The following LCORL variants were observed in gnomAD, a reference collection of about 807,000 sequenced individuals.
LCORL encodes ligand dependent nuclear receptor corepressor like.
LCORL carries 41 observed loss-of-function variants against 141.8 expected under a neutral mutation model. The ratio of observed to expected loss-of-function variants is 0.29; its 90% CI spans 0.23 to 0.38. The LOEUF is 0.38. Ranked by LOEUF, LCORL falls within the 10% of genes least tolerant of loss-of-function variation. The probability of loss-of-function intolerance (pLI) is 1.00; values close to 1 mark genes in which losing one functional copy is unlikely to be tolerated. For synonymous variants in LCORL, 618 were observed against 694.1 expected, an observed-to-expected ratio of 0.89 and a Z score of 1.72; for missense variants, 1,759 against 2,035.0, an observed-to-expected ratio of 0.86 and a Z score of 2.61.
chr4:17,909,870 A>G (rs1732243824), intron 4 of LCORL, among the ~76,000 whole-genome samples: 2 of 152,146 alleles, frequency 1.3e-5, no homozygotes, highest in African/African-American at 4.8e-5. Context: ...TTTTTTATAT[A>G]GAAAAATTTT....
At chr4:18,012,053 C>T (rs1723894638) in intron 1 of LCORL, among the ~76,000 whole-genome samples, 1 of 152,160 alleles carries the variant, frequency 6.6e-6, no homozygotes, top group Admixed American at 6.5e-5. Context: ...CTGTCTTTTC[C>T]ATAAAATAGA....
At chr4:17,849,433 T>C (rs200031569) in intron 7 of LCORL, among the ~76,000 whole-genome samples, 3,071 of 152,234 alleles carry the variant, frequency 0.02, 84 homozygotes, top group East Asian at 0.13. Flanking sequence ...AGTGGACCTC[T>C]AGCAAACTCC....
rs1307605599 is a variant in LCORL, at chr4:17,842,250, A to AGAT, written c.*3635_*3637dup. The AGAT allele has an allele frequency of 4.2e-6, 6 of 1,430,456 alleles. No homozygotes were observed. The East Asian group carries it at 1.4e-4, about 33-fold the overall frequency. 88.6% of individuals were successfully genotyped at this position (1,430,456 alleles called of 1,614,324 possible). A position where few individuals can be genotyped will look rare whatever the true frequency, so the allele number is the denominator to read the frequency against. Reference sequence around the variant, plus strand: ...AAAGGATTTAGTTAGCCTAGAAACTAGATTAAAAACAAAAAGCAACTGATA... The same window carrying AGAT: ...AAAGGATTTAGTTAGCCTAGAAACTAGATGATTAAAAACAAAAAGCAACTGATA... On this transcript the variant is annotated 3_prime_UTR_variant, in exon 8 of 8. Transcript: ENST00000635767.
chr4:17,953,987 C>A (rs1475735944), intron 4 of LCORL, among the ~76,000 whole-genome samples: 1 of 152,060 alleles, frequency 6.6e-6, no homozygotes, highest in South Asian at 2.1e-4. Flanking sequence ...CACGGTGAAA[C>A]CCCGTCTCTA....
At chr4:17,910,985 G>T (rs11945590) in intron 4 of LCORL, among the ~76,000 whole-genome samples, 3,735 of 152,226 alleles carry the variant, frequency 0.025, 153 homozygotes, top group African/African-American at 0.085. Flanking sequence ...GGGCAGTGGC[G>T]TAAAAGACCT....
intron 1 of LCORL, among the ~76,000 whole-genome samples, chr4:17,988,367 G>A (rs2109761814): frequency 6.6e-6 from 1 of 152,226 alleles, no homozygotes. Flanking sequence ...CACTTCCTGG[G>A]CTCGGGTGAT....
intron 1 of LCORL, among the ~76,000 whole-genome samples, chr4:18,006,376 T>C (rs963287025): frequency 1.3e-5 from 2 of 152,172 alleles, no homozygotes; most frequent in African/African-American, 4.8e-5. Context: ...TCCTGTCTTC[T>C]TCTAAGCCTT....
chr4:17,970,546 A>C (rs531297636), intron 2 of LCORL, among the ~76,000 whole-genome samples: 1 of 152,312 alleles, frequency 6.6e-6, no homozygotes, highest in East Asian at 1.9e-4. Context: ...GAGAAATAGA[A>C]CATAACAGCT....
At chr4:18,008,356 C>T (rs914236398) in intron 1 of LCORL, among the ~76,000 whole-genome samples, 3 of 152,168 alleles carry the variant, frequency 2.0e-5, no homozygotes, top group Non-Finnish European at 4.4e-5. Context: ...CACTCCAGGA[C>T]AGGAATAAAA....
At chr4:17,885,507 T>TAA (rs59813189) in intron 6 of LCORL, among the ~76,000 whole-genome samples, 4,024 of 151,392 alleles carry the variant, frequency 0.027, 57 homozygotes, top group South Asian at 0.031. Flanking sequence ...AAAAAAGTTG[T>TAA]AAAAAAAAAT....
chr4:17,893,607 T>A, intron 5 of LCORL: 2 of 984,980 alleles, frequency 2.0e-6, no homozygotes, highest in South Asian at 9.4e-5. Flanking sequence ...TACAGGAAAA[T>A]TGTTATTTTC....
intron 4 of LCORL, among the ~76,000 whole-genome samples, chr4:17,944,987 A>G (rs975050057): frequency 2.0e-5 from 3 of 152,188 alleles, no homozygotes; most frequent in Non-Finnish European, 4.4e-5. Flanking sequence ...GTTCATAATT[A>G]TATGTAAAAT....
intron 5 of LCORL, among the ~76,000 whole-genome samples, chr4:17,891,265 C>T (rs1729027717): frequency 6.6e-6 from 1 of 152,040 alleles, no homozygotes; most frequent in South Asian, 2.1e-4. Context: ...AAATCAACTA[C>T]TTGAGAGGCT....
intron 4 of LCORL, among the ~76,000 whole-genome samples, chr4:17,920,420 G>A (rs1437215326): frequency 2.0e-5 from 3 of 152,176 alleles, no homozygotes; most frequent in Non-Finnish European, 2.9e-5. Flanking sequence ...CCTTCAGCAA[G>A]TGGTAATCTT....
At chr4:18,004,868 G>A (rs1722535949) in intron 1 of LCORL, among the ~76,000 whole-genome samples, 1 of 151,884 alleles carries the variant, frequency 6.6e-6, no homozygotes, top group African/African-American at 2.4e-5. Context: ...GGAGAAATTG[G>A]CAAAAACAAA....
intron 5 of LCORL, among the ~76,000 whole-genome samples, chr4:17,888,693 T>C (rs1367905352): frequency 6.6e-6 from 1 of 152,172 alleles, no homozygotes; most frequent in Non-Finnish European, 1.5e-5. Context: ...GTTCAGGATC[T>C]TGACTTATTC....
At chr4:17,950,817 C>A (rs1739602337) in intron 4 of LCORL, among the ~76,000 whole-genome samples, 1 of 151,526 alleles carries the variant, frequency 6.6e-6, no homozygotes, top group Non-Finnish European at 1.5e-5. Context: ...AAATTTAGAC[C>A]ACACAAATAA....
At chr4:17,999,586 G>A (rs1452662478) in intron 1 of LCORL, among the ~76,000 whole-genome samples, 2 of 152,192 alleles carry the variant, frequency 1.3e-5, no homozygotes, top group Non-Finnish European at 2.9e-5. Flanking sequence ...CGTAGAACAT[G>A]ACTATACAAA....
intron 4 of LCORL, among the ~76,000 whole-genome samples, chr4:17,940,121 T>C (rs1020531654): frequency 2.7e-5 from 4 of 147,800 alleles, no homozygotes; most frequent in Non-Finnish European, 4.5e-5. Flanking sequence ...TGTGTGTATA[T>C]ATATATGTAT....
Sources: allele counts gnomAD v4.1 joint callset (sites outside exome capture counted in the v4.1 genomes callset), GRCh38; gene constraint gnomAD v4.1.1; transcripts MANE v1.5; gene names NCBI Gene and HGNC (gene_info 2026-07-23, HGNC 2026-07-21).